TNPO1: variants seen among roughly 807,000 people sequenced by gnomAD.
TNPO1 encodes transportin-1.
A neutral mutation model predicts 119.5 loss-of-function variants in TNPO1; 8 were observed. The observed-to-expected ratio is 0.07, with a 90% CI of 0.04 to 0.12. TNPO1 has a LOEUF of 0.12. Ranked by LOEUF, TNPO1 falls within the 10% of genes least tolerant of loss-of-function variation. The probability of loss-of-function intolerance (pLI) is 1.00; values close to 1 mark genes in which losing one functional copy is unlikely to be tolerated. For synonymous variants in TNPO1, 362 were observed against 363.0 expected, an observed-to-expected ratio of 1.00 and a Z score of 0.03; for missense variants, 576 against 1,089.8, an observed-to-expected ratio of 0.53 and a Z score of 6.64.
chr5:72,822,907 A>G (rs1452220063), intron 1 of TNPO1, among the ~76,000 whole-genome samples: 3 of 102,248 alleles, frequency 2.9e-5, no homozygotes, highest in Non-Finnish European at 3.8e-5. Context: ...CTGGGTCTAC[A>G]CTTTTTTTTT....
At position 72,851,255 on chromosome 5, in the gene TNPO1, A is replaced by G. The variant is rs773995336; in HGVS notation, c.141A>G (p.Gln47=). 1.3e-6 allele frequency: 2 copies of G among 1,597,132 alleles called. No homozygotes were observed. Among genetic ancestry groups the G allele is most frequent in the Non-Finnish European group, 1.7e-6 (2 of 1,168,458 alleles). ...IQRTVQQKLE[Q]LNQYPDFNNY... ...ACTGTTTGTTCTAGAAACTGGAACA[A>G]CTTAATCAGTATCCAGACTTTAACA... Residue 47 remains glutamine, a synonymous_variant, in exon 3 of 25, where the codon CAA becomes CAG. Coordinates refer to ENST00000337273, the MANE Select transcript of TNPO1 (RefSeq NM_002270.4).
intron 11 of TNPO1, among the ~76,000 whole-genome samples, chr5:72,886,749 C>T (rs1163043306): frequency 2.0e-5 from 3 of 151,742 alleles, no homozygotes; most frequent in Non-Finnish European, 4.4e-5. Flanking sequence ...ATCAGCTGTG[C>T]GTACTGGCAC....
chr5:72,848,350 G>A (rs1745247277), intron 1 of TNPO1, 35 bp from the exon 2 acceptor site: 6 of 1,595,074 alleles, frequency 3.8e-6, no homozygotes, highest in South Asian at 1.1e-5. Flanking sequence ...AGTAACAGTT[G>A]CTCCGTCTCT....
At chr5:72,870,158 CTTTTT>C (rs200118076) in intron 6 of TNPO1, among the ~76,000 whole-genome samples, 6 of 106,174 alleles carry the variant, frequency 5.7e-5, no homozygotes, top group Non-Finnish European at 8.9e-5. Context: ...ATACTAATTG[CTTTTT>C]TTTTTTTTTT....
In TNPO1 at chr5:72,912,538, T is replaced by C. The variant is rs1174032506; in HGVS notation, c.*3865T>C. ...AGTTACATTCTTTGTTTTTTAAGTG[T>C]ATTTCATTGAGAATCTTTCCATTTA... On this transcript the variant is annotated 3_prime_UTR_variant, in exon 25 of 25. Transcript: ENST00000337273. 1 of 152,510 alleles carries C rather than the reference T, an allele frequency of 6.6e-6. No homozygotes were observed. Among genetic ancestry groups the C allele is most frequent in the African/African-American group, 2.4e-5 (1 of 41,452 alleles). The allele number at this position is 152,510 out of a possible 1,614,324, so 9.4% of individuals were successfully genotyped here.
At chr5:72,827,645 T>C (rs1489851047) in intron 1 of TNPO1, among the ~76,000 whole-genome samples, 1 of 152,102 alleles carries the variant, frequency 6.6e-6, no homozygotes, top group African/African-American at 2.4e-5. Context: ...AAACTAGTAG[T>C]ATTTAGTGGT....
intron 3 of TNPO1, among the ~76,000 whole-genome samples, chr5:72,851,961 GT>G (rs933333056): frequency 6.6e-6 from 1 of 152,118 alleles, no homozygotes; most frequent in Non-Finnish European, 1.5e-5. Context: ...GAATATGTGT[GT>G]TTTTTGTAGA....
chr5:72,879,159 G>T, intron 9 of TNPO1: 1 of 202,856 alleles, frequency 4.9e-6, no homozygotes, highest in African/African-American at 2.3e-5. Context: ...CAGCAGAAAA[G>T]GCCTTGGGCC....
chr5:72,835,287 C>G (rs542070846), intron 1 of TNPO1, among the ~76,000 whole-genome samples: 1 of 152,150 alleles, frequency 6.6e-6, no homozygotes, highest in Non-Finnish European at 1.5e-5. Flanking sequence ...TCCAATATTT[C>G]TGTTTTGATT....
chr5:72,896,423 A>C, intron 18 of TNPO1, 35 bp from the exon 19 acceptor site: 1 of 1,508,680 alleles, frequency 6.6e-7, no homozygotes, highest in South Asian at 1.1e-5. Flanking sequence ...ACTGCTATTG[A>C]AAAGTTTACT....
chr5:72,865,951 G>A (rs1220189299), intron 6 of TNPO1, among the ~76,000 whole-genome samples: 1 of 152,172 alleles, frequency 6.6e-6, no homozygotes, highest in Non-Finnish European at 1.5e-5. Flanking sequence ...AAAGTTTTGT[G>A]CCTTTTACAG....
chr5:72,842,215 T>C (rs961418371), intron 1 of TNPO1, among the ~76,000 whole-genome samples: 1 of 152,222 alleles, frequency 6.6e-6, no homozygotes, highest in Non-Finnish European at 1.5e-5. Context: ...TATCAAAATA[T>C]ATGTTCTTTC....
chr5:72,828,981 A>G (rs562211440), intron 1 of TNPO1, among the ~76,000 whole-genome samples: 2 of 152,310 alleles, frequency 1.3e-5, no homozygotes, highest in African/African-American at 4.8e-5. Context: ...GCATAAATAA[A>G]TGATGTGTTT....
At chr5:72,888,616 A>G (rs1052063688) in intron 13 of TNPO1, among the ~76,000 whole-genome samples, 1 of 152,092 alleles carries the variant, frequency 6.6e-6, no homozygotes, top group African/African-American at 2.4e-5. Flanking sequence ...TCTTTGGCTC[A>G]TTTTTCCCAC....
chr5:72,828,860 A>T (rs766378250), intron 1 of TNPO1, among the ~76,000 whole-genome samples: 1 of 152,206 alleles, frequency 6.6e-6, no homozygotes, highest in African/African-American at 2.4e-5. Flanking sequence ...GATGTGTATT[A>T]TAACTCTTCA....
intron 1 of TNPO1, among the ~76,000 whole-genome samples, chr5:72,832,914 A>G (rs1744541443): frequency 6.6e-6 from 1 of 152,116 alleles, no homozygotes; most frequent in South Asian, 2.1e-4. Context: ...ATCTGGGTAT[A>G]TTCATTAGAC....
intron 20 of TNPO1, 139 bp from the exon 21 acceptor site, chr5:72,899,866 GT>G: frequency 1.5e-6 from 1 of 657,014 alleles, no homozygotes; most frequent in South Asian, 2.2e-5. Context: ...GAAATCTTAT[GT>G]TTATTATCAT....
intron 20 of TNPO1, among the ~76,000 whole-genome samples, chr5:72,898,724 G>A (rs1749618481): frequency 6.6e-6 from 1 of 152,028 alleles, no homozygotes; most frequent in Non-Finnish European, 1.5e-5. Flanking sequence ...TTTATCGCAT[G>A]TTTCATTGGA....
chr5:72,859,596 G>A lies in TNPO1; in HGVS notation c.356-2212G>A, dbSNP rs182514643. Among the ~76,000 whole-genome samples the A allele has an allele frequency of 2.0e-3, 302 of 152,252 alleles. 3 individuals carry two copies. The highest frequency in any genetic ancestry group is 7.0e-3 in the African/African-American group (292 of 41,548). ...TTATCAAGGAAGTCTATTTGGAAGG[G>A]ACCACATCTGAATGACTGTGGGGTA... is the stretch of plus-strand genomic sequence containing the variant. On this transcript the variant is annotated intron_variant, in intron 4 of 24. Transcript: ENST00000337273.
Sources: allele counts gnomAD v4.1 joint callset (sites outside exome capture counted in the v4.1 genomes callset), GRCh38; gene constraint gnomAD v4.1.1; transcripts MANE v1.5; gene names NCBI Gene and HGNC (gene_info 2026-07-23, HGNC 2026-07-21).